The following ADCY4 variants were observed in gnomAD, a reference collection of about 807,000 sequenced individuals.
The protein encoded by ADCY4 is adenylate cyclase 4.
A neutral mutation model predicts 125.5 loss-of-function variants in ADCY4; 111 were observed. The ratio of observed to expected loss-of-function variants is 0.88; its 90% CI spans 0.76 to 1.04. ADCY4 has a LOEUF of 1.04. Among genes scored for constraint, ADCY4 ranks in the 50% least tolerant of loss-of-function variants. ADCY4 has a pLI of 0.00. For synonymous variants in ADCY4, 576 were observed against 586.9 expected, an observed-to-expected ratio of 0.98 and a Z score of 0.27; for missense variants, 1,256 against 1,382.9, an observed-to-expected ratio of 0.91 and a Z score of 1.46.
intron 10 of ADCY4, chr14:24,328,756 C>T (rs2041991521): frequency 5.8e-6 from 2 of 342,304 alleles, no homozygotes; most frequent in Non-Finnish European, 1.1e-5. Flanking sequence ...GTCTTTATTT[C>T]TACACTCTCT....
Position 24,330,202 on chromosome 14 carries a change from C to A in ADCY4, c.1024G>T (p.Val342Leu), listed in dbSNP as rs765076936. ...LSLPDHAINC[V>L]RMGLDMCRAI... ...CGGCACATGTCCAGGCCCATGCGCA[C>A]GCAGTTGATGGCATGGTCTGGCAGT... The change falls in exon 7 of 25, where the codon GTG (valine) becomes TTG (leucine). Residue 342 changes from valine to leucine, a missense_variant. Physicochemically the swap from Val to Leu is conservative, Grantham distance 32. Coordinates refer to ENST00000418030, the MANE Select transcript of ADCY4 (RefSeq NM_001198568.2). The A allele has an allele frequency of 1.2e-6, 2 of 1,614,070 alleles. No homozygotes were observed. The highest frequency in any genetic ancestry group is 1.7e-5 in the Admixed American group (1 of 60,000).
Position 24,329,409 on chromosome 14 carries a change from C to T in ADCY4, c.1342G>A (p.Asp448Asn), listed in dbSNP as rs79766112. 50 of 1,553,364 alleles carry T rather than the reference C, an allele frequency of 3.2e-5. No homozygotes were observed. The highest frequency in any genetic ancestry group is 1.9e-4 in the South Asian group (15 of 79,996). Residue 448 changes from aspartate (D) to asparagine (N), a missense_variant, in exon 9 of 25, where the codon GAT (aspartate) becomes AAT (asparagine). Physicochemically the swap from Asp to Asn is conservative, Grantham distance 23. Coordinates refer to ENST00000418030, the MANE Select transcript of ADCY4 (RefSeq NM_001198568.2). ...ELGEPTYLVI[D>N]PRAEEEDEKG... ...CTGGGCTGGGCTTTTACCCGTGGATCGATGACCAGATAGGTAGGCTCCCCT... is the reference window on the plus strand; with the variant it reads ...CTGGGCTGGGCTTTTACCCGTGGATTGATGACCAGATAGGTAGGCTCCCCT...
At chr14:24,326,475 T>A in intron 10 of ADCY4, 133 bp from the exon 11 acceptor site, 1 of 1,060,118 alleles carries the variant, frequency 9.4e-7, no homozygotes, top group Non-Finnish European at 1.4e-6. Context: ...CTTTTGCCTC[T>A]AATGACCTCT....
At chr14:24,332,068 G>A (rs1169814341) in intron 3 of ADCY4, 131 bp from the exon 4 acceptor site, 3 of 1,182,670 alleles carry the variant, frequency 2.5e-6, no homozygotes, top group Non-Finnish European at 3.3e-6. Flanking sequence ...TGGGACAAGT[G>A]GTGCCACACT....
chr14:24,321,956 T>A (rs1054837670), intron 20 of ADCY4, 110 bp downstream of exon 20: 1 of 1,461,096 alleles, frequency 6.8e-7, no homozygotes, highest in African/African-American at 1.4e-5. Flanking sequence ...CACAAGGGCT[T>A]GGGTGACCCT....
rs1361273948 is a variant in ADCY4, at chr14:24,324,359, G to GTGCA, written c.1855_1856insTGCA (p.Thr619MetfsTer194). On this transcript the variant is annotated frameshift_variant, in exon 15 of 25. Coordinates refer to ENST00000418030, the MANE Select transcript of ADCY4 (RefSeq NM_001198568.2). LOFTEE classifies it high-confidence loss of function. ...AAGGATGAGGAGGAAGAGGAGGAAG[G>GTGCA]TGATGCTATACGTGATGGCCAGAGC... The GTGCA allele has an allele frequency of 1.9e-6, 3 of 1,614,108 alleles. No individual in the cohort carries two copies. The highest frequency in any genetic ancestry group is 2.5e-6 in the Non-Finnish European group (3 of 1,180,036).
At position 24,330,012 on chromosome 14, in the gene ADCY4, C is replaced by T. The variant is rs147193793; in HGVS notation, c.1065G>A (p.Leu355=). 45 of 1,613,428 alleles carry T rather than the reference C, an allele frequency of 2.8e-5. No individual in the cohort carries two copies. The African/African-American group carries it at 5.5e-4, about 20-fold the overall frequency. ...TGATGTCCACGCCAGTGGCTGCCCG[C>T]AGTTTCCTGAGCAGTGTGTGTGTGG... ...GLDMCRAIRK[L]RAATGVDINM... Residue 355 remains leucine (L), a synonymous_variant, in exon 8 of 25, where the codon CTG becomes CTA. Transcript: ENST00000418030.
intron 14 of ADCY4, among the ~76,000 whole-genome samples, chr14:24,324,643 A>G (rs961632378): frequency 6.7e-6 from 1 of 150,250 alleles, no homozygotes; most frequent in African/African-American, 2.4e-5. Context: ...AGAATGGCTG[A>G]GGCTACGGCA....
chr14:24,324,397 G>A lies in ADCY4; in HGVS notation c.1824-6C>T, dbSNP rs375751568. The A allele has an allele frequency of 7.0e-5, 113 of 1,611,656 alleles. No homozygotes were observed. Among genetic ancestry groups the A allele is most frequent in the Non-Finnish European group, 9.2e-5 (108 of 1,177,796 alleles). Reference sequence around the variant, plus strand: ...TGATGGCCAGAGCTGGGGGCCTGAAGGGAGACAAAAGCGAGGCCTTGAAGT... The same window carrying A: ...TGATGGCCAGAGCTGGGGGCCTGAAAGGAGACAAAAGCGAGGCCTTGAAGT... On this transcript the variant is annotated splice_region_variant and splice_polypyrimidine_tract_variant and intron_variant, in intron 14 of 24. Coordinates refer to ENST00000418030, the MANE Select transcript of ADCY4 (RefSeq NM_001198568.2).
At position 24,330,862 on chromosome 14, in the gene ADCY4, T is replaced by C. The variant is rs562553596; in HGVS notation, c.930+156A>G. The C allele has an allele frequency of 6.2e-6, 4 of 643,550 alleles. No homozygotes were observed. The South Asian group carries it at 6.3e-5, about 10-fold the overall frequency. The allele number at this position is 643,550 out of a possible 1,614,324, so 39.9% of individuals were successfully genotyped here. On this transcript the variant is annotated intron_variant, in intron 6 of 24. Coordinates refer to ENST00000418030, the MANE Select transcript of ADCY4 (RefSeq NM_001198568.2). ...TGGTGAGCAGCTTCATGACTGGGAA[T>C]GTTTGAGAGGGTTTCCTCCTTCCAC...
In ADCY4 at chr14:24,318,634, C is replaced by G; in HGVS notation, c.3081+20G>C. 1 of 1,614,178 alleles carries G rather than the reference C, an allele frequency of 6.2e-7. No individual in the cohort carries two copies. The highest frequency in any genetic ancestry group is 1.1e-5 in the South Asian group (1 of 91,088). The stretch of plus-strand genomic sequence containing the variant: ...ATTCTTAGTCCCCCTCCCCCTATGC[C>G]TCCAATGTGGTTCCCTCACTTGGAT... On this transcript the variant is annotated intron_variant, in intron 24 of 24. Coordinates refer to ENST00000418030, the MANE Select transcript of ADCY4 (RefSeq NM_001198568.2).
rs899412794 is a variant in ADCY4, at chr14:24,331,615, G to C, written c.669+173C>G. The C allele has an allele frequency of 1.0e-5, 11 of 1,097,970 alleles. No individual in the cohort carries two copies. The African/African-American group carries it at 1.7e-4, about 17-fold the overall frequency. 68.0% of individuals were successfully genotyped at this position (1,097,970 alleles called of 1,614,324 possible). On this transcript the variant is annotated intron_variant, in intron 4 of 24. Coordinates refer to ENST00000418030, the MANE Select transcript of ADCY4 (RefSeq NM_001198568.2). ...TCTAAAGTGCTTTTTATAAGCTTTG[G>C]TTTGTTTGAGCCTCACAACCTTCTA... is the stretch of plus-strand genomic sequence containing the variant.
At chr14:24,324,820 C>T (rs1342644525) in intron 14 of ADCY4, among the ~76,000 whole-genome samples, 1 of 152,116 alleles carries the variant, frequency 6.6e-6, no homozygotes. Flanking sequence ...TCTCCTGCCT[C>T]AGCCTCCCGA....
chr14:24,329,341 C>T (rs1201995362), intron 9 of ADCY4, 60 bp downstream of exon 9: 1 of 1,556,208 alleles, frequency 6.4e-7, no homozygotes, highest in Non-Finnish European at 8.7e-7. Context: ...AGAGATCAGG[C>T]CTGTTGGCTG....
At chr14:24,322,546 G>A in intron 19 of ADCY4, 78 bp downstream of exon 19, 2 of 1,478,672 alleles carry the variant, frequency 1.4e-6, no homozygotes, top group Non-Finnish European at 1.9e-6. Flanking sequence ...ATTCAACCCT[G>A]GAGATTAGAA....
intron 6 of ADCY4, 43 bp downstream of exon 6, chr14:24,330,975 G>T: frequency 1.3e-6 from 2 of 1,543,316 alleles, no homozygotes; most frequent in Non-Finnish European, 1.8e-6. Context: ...CCCAGGATGG[G>T]ATGTTTGAGG....
intron 1 of ADCY4, among the ~76,000 whole-genome samples, chr14:24,333,592 A>G (rs747695116): frequency 7.4e-4 from 112 of 152,160 alleles, no homozygotes; most frequent in Admixed American, 2.0e-3. Context: ...CCCATCCCCT[A>G]TTTGTTTCTG....
rs752887402 is a variant in ADCY4, at chr14:24,324,024, G to A, written c.2046+38C>T. On this transcript the variant is annotated intron_variant, in intron 16 of 24. Transcript: ENST00000418030. ...TTTCAGTCCCTGGCAGGTCCAACATGCCCTCATGGGGGTGGATAGGGCCCC... is the reference window on the plus strand; with the variant it reads ...TTTCAGTCCCTGGCAGGTCCAACATACCCTCATGGGGGTGGATAGGGCCCC... 7.8e-5 allele frequency: 125 copies of A among 1,604,050 alleles called. No homozygotes were observed. The East Asian group carries it at 2.6e-3, about 33-fold the overall frequency.
chr14:24,321,259 A>T (rs56064078), intron 20 of ADCY4, among the ~76,000 whole-genome samples: 108,696 of 150,884 alleles, frequency 0.72, 39,656 homozygotes, highest in Middle Eastern at 0.86. Context: ...AAAAAAAAAA[A>T]ATATAAAAAA....
Sources: gnomAD v4.1 joint callset for allele counts (sites outside exome capture counted in the v4.1 genomes callset) on GRCh38, gnomAD v4.1.1 for gene constraint, MANE v1.5 for transcripts, NCBI Gene and HGNC (gene_info 2026-07-23, HGNC 2026-07-21) for gene names.